The following HEPHL1 variants were observed in gnomAD, a reference collection of about 807,000 sequenced individuals.
HEPHL1 encodes the protein hephaestin like 1.
In HEPHL1, 123 loss-of-function variants were observed where a neutral mutation model predicts 122.0. That is an observed-to-expected ratio of 1.01 (90% confidence interval 0.87 to 1.17). The LOEUF (loss-of-function observed/expected upper bound fraction) is 1.17, where lower values mean the gene tolerates loss of function less well. Ranked by LOEUF, HEPHL1 falls within the 50% of genes most tolerant of loss-of-function variation. The probability of loss-of-function intolerance (pLI) is 0.00; values close to 1 mark genes in which losing one functional copy is unlikely to be tolerated. For synonymous variants in HEPHL1, 527 were observed against 508.9 expected, an observed-to-expected ratio of 1.04 and a Z score of -0.48; for missense variants, 1,452 against 1,430.5, an observed-to-expected ratio of 1.01 and a Z score of -0.24.
At chr11:94,072,223 A>AAG (rs1946080177) in intron 6 of HEPHL1, among the ~76,000 whole-genome samples, 1 of 152,152 alleles carries the variant, frequency 6.6e-6, no homozygotes, top group African/African-American at 2.4e-5. Flanking sequence ...CTGAGAAGAA[A>AAG]AGTGAATGAG....
chr11:94,066,008 A>G (rs1198189472), intron 4 of HEPHL1, among the ~76,000 whole-genome samples: 3 of 151,962 alleles, frequency 2.0e-5, no homozygotes, highest in Admixed American at 6.6e-5. Flanking sequence ...ACATAGGTAG[A>G]TCCGTTATCT....
chr11:94,038,690 AG>A (rs1390910380), intron 1 of HEPHL1, among the ~76,000 whole-genome samples: 4 of 122,782 alleles, frequency 3.3e-5, no homozygotes. Context: ...TGTCACCACC[AG>A]GCCTGCCCTA....
chr11:94,089,826 G>A (rs1345318585), intron 12 of HEPHL1, among the ~76,000 whole-genome samples: 1 of 152,104 alleles, frequency 6.6e-6, no homozygotes, highest in Non-Finnish European at 1.5e-5. Flanking sequence ...AGTTAGAACT[G>A]AACATAGATC....
intron 2 of HEPHL1, among the ~76,000 whole-genome samples, chr11:94,058,860 C>T (rs888710398): frequency 6.6e-6 from 1 of 152,080 alleles, no homozygotes; most frequent in Non-Finnish European, 1.5e-5. Flanking sequence ...GTCACTGCCT[C>T]ACCTGGCCTG....
intron 9 of HEPHL1, among the ~76,000 whole-genome samples, chr11:94,081,196 A>G (rs1946167699): frequency 6.6e-6 from 1 of 152,344 alleles, no homozygotes. Context: ...AAGCAGGAAC[A>G]GGAAACCAAA....
chr11:94,030,600 T>C (rs1945665785), intron 1 of HEPHL1, among the ~76,000 whole-genome samples: 1 of 152,174 alleles, frequency 6.6e-6, no homozygotes, highest in African/African-American at 2.4e-5. Context: ...AAAAATGGTG[T>C]CTTCCAGCTA....
rs1657275381 is a variant in HEPHL1 at position 94,064,412 on chromosome 11, A to G, written c.710A>G (p.Gln237Arg). 6.2e-7 allele frequency: 1 copy of G among 1,612,592 alleles called. No individual in the cohort carries two copies. The highest frequency in any genetic ancestry group is 8.5e-7 in the Non-Finnish European group (1 of 1,178,692). ...ATGTTTACTCTTGTGGATGAGAATC[A>G]AAGCTGGTACCTCAATGAAAATATC... Reference protein sequence around the residue: ...VIMFTLVDENQSWYLNENIKH... With the variant: ...VIMFTLVDENRSWYLNENIKH... Residue 237 changes from glutamine (Q) to arginine (R), a missense_variant, in exon 4 of 20, where the codon CAA becomes CGA. Coordinates refer to ENST00000315765, the MANE Select transcript of HEPHL1 (RefSeq NM_001098672.2).
rs1404935360 is a variant in HEPHL1, at chr11:94,051,230, T to C, written c.415+5313T>C. ...TTAGTTTTCTGTGGAAATTTCAAAC[T>C]GCTCTCCCTAGTGGTTGTACTAATT... is the stretch of plus-strand genomic sequence containing the variant. On this transcript the variant is annotated intron_variant, in intron 2 of 19. Transcript: ENST00000315765. 2.0e-5 allele frequency among the ~76,000 whole-genome samples: 3 copies of C among 152,168 alleles called. No homozygotes were observed. In the East Asian group the frequency reaches 5.8e-4, roughly 29 times the overall value.
At chr11:94,080,193 G>A (rs1421797167) in intron 9 of HEPHL1, among the ~76,000 whole-genome samples, 2 of 152,124 alleles carry the variant, frequency 1.3e-5, no homozygotes, top group Admixed American at 1.3e-4. Flanking sequence ...CAAACAGTGG[G>A]GAAAGGATTC....
At chr11:94,089,145 C>T (rs76047430) in intron 12 of HEPHL1, among the ~76,000 whole-genome samples, 177 bp downstream of exon 12, 3,828 of 152,274 alleles carry the variant, frequency 0.025, 165 homozygotes, top group African/African-American at 0.088. Flanking sequence ...CGGAAGGCAG[C>T]GTGCGGTGTC....
chr11:94,063,341 A>G (rs1946001798), intron 2 of HEPHL1, among the ~76,000 whole-genome samples, 167 bp from the exon 3 acceptor site: 1 of 152,194 alleles, frequency 6.6e-6, no homozygotes, highest in African/African-American at 2.4e-5. Flanking sequence ...TTTTACTGAT[A>G]GAGAACAGAG....
chr11:94,061,899 T>G (rs965886500), intron 2 of HEPHL1, among the ~76,000 whole-genome samples: 1 of 152,132 alleles, frequency 6.6e-6, no homozygotes, highest in Non-Finnish European at 1.5e-5. Context: ...TTTCTCTTAA[T>G]GAACTAGTAA....
At chr11:94,085,517 T>C (rs1172701890) in intron 10 of HEPHL1, among the ~76,000 whole-genome samples, 1 of 152,246 alleles carries the variant, frequency 6.6e-6, no homozygotes, top group Non-Finnish European at 1.5e-5. Context: ...TGAATCCATG[T>C]AATCAGTAAA....
At chr11:94,088,563 C>T (rs1946236627) in intron 11 of HEPHL1, among the ~76,000 whole-genome samples, 192 bp from the exon 12 acceptor site, 1 of 152,160 alleles carries the variant, frequency 6.6e-6, no homozygotes, top group Non-Finnish European at 1.5e-5. Flanking sequence ...GTATCTTTCT[C>T]TCCACAGAAG....
Position 94,073,127 on chromosome 11 carries a change from G to A in HEPHL1, c.1335G>A (p.Lys445=), listed in dbSNP as rs373492462. 1.2e-6 allele frequency: 2 copies of A among 1,613,176 alleles called. No homozygotes were observed. The highest frequency in any genetic ancestry group is 2.7e-5 in the African/African-American group (2 of 74,982). ...EFVDATFTKR[K]RLSAEEAHLG... ...TTGATGCAACTTTTACTAAAAGAAA[G>A]AGACTCTCTGCTGAAGAAGCCCATC... The change falls in exon 7 of 20, where the codon AAG becomes AAA. Residue 445 remains lysine (K), a synonymous_variant. Transcript: ENST00000315765.
At chr11:94,038,122 A>G (rs1434951209) in intron 1 of HEPHL1, among the ~76,000 whole-genome samples, 5 of 150,886 alleles carry the variant, frequency 3.3e-5, no homozygotes, top group South Asian at 2.1e-4. Context: ...GGGTATCAGC[A>G]ATGGAAGATG....
intron 2 of HEPHL1, among the ~76,000 whole-genome samples, chr11:94,059,763 GCT>G: frequency 6.6e-6 from 1 of 152,006 alleles, no homozygotes; most frequent in South Asian, 2.1e-4. Flanking sequence ...TGGCACAAAG[GCT>G]CTGTTAGGGG....
At chr11:94,023,003 G>A (rs1208264596) in intron 1 of HEPHL1, among the ~76,000 whole-genome samples, 3 of 152,140 alleles carry the variant, frequency 2.0e-5, no homozygotes, top group Non-Finnish European at 2.9e-5. Context: ...AAATGCCCAC[G>A]TCACTATAGC....
intron 2 of HEPHL1, among the ~76,000 whole-genome samples, chr11:94,047,158 CAGGTAAACTTTA>C (rs1450841847): frequency 6.6e-6 from 1 of 152,174 alleles, no homozygotes; most frequent in Non-Finnish European, 1.5e-5. Flanking sequence ...AAAATTGTGC[CAGGTAAACTTTA>C]AGGTGTAACT....
Sources: allele counts gnomAD v4.1 joint callset (sites outside exome capture counted in the v4.1 genomes callset), GRCh38; gene constraint gnomAD v4.1.1; transcripts MANE v1.5; gene names NCBI Gene and HGNC (gene_info 2026-07-23, HGNC 2026-07-21).